The following UBE2QL1 variants were observed in gnomAD, a reference collection of about 807,000 sequenced individuals.
The protein encoded by UBE2QL1 is ubiquitin conjugating enzyme E2 QL1.
In UBE2QL1, 5 loss-of-function variants were observed where a neutral mutation model predicts 12.6. The observed-to-expected ratio is 0.40, with a 90% CI of 0.21 to 0.83. UBE2QL1 has a LOEUF of 0.83. Among genes scored for constraint, UBE2QL1 ranks in the 40% least tolerant of loss-of-function variants. UBE2QL1 has a pLI of 0.37. For missense variants in UBE2QL1, 99 were observed against 222.6 expected, an observed-to-expected ratio of 0.44 and a Z score of 3.53; for synonymous variants, 96 against 94.5, an observed-to-expected ratio of 1.02 and a Z score of -0.10.
chr5:6,449,997 C>G (rs1273165896), intron 1 of UBE2QL1, among the ~76,000 whole-genome samples: 1 of 151,876 alleles, frequency 6.6e-6, no homozygotes. Flanking sequence ...TGGGCTGCCT[C>G]TCCTGGAAAG....
intron 1 of UBE2QL1, among the ~76,000 whole-genome samples, chr5:6,482,906 G>A (rs959755187): frequency 2.0e-5 from 3 of 152,086 alleles, no homozygotes; most frequent in African/African-American, 7.2e-5. Context: ...TCATCTAGAG[G>A]ACACCTGCTC....
At chr5:6,472,511 C>T (rs1739935843) in intron 1 of UBE2QL1, among the ~76,000 whole-genome samples, 1 of 152,170 alleles carries the variant, frequency 6.6e-6, no homozygotes, top group South Asian at 2.1e-4. Flanking sequence ...CTGCTGCTTT[C>T]CTTGTGCTTT....
At chr5:6,455,168 A>G (rs1739493891) in intron 1 of UBE2QL1, among the ~76,000 whole-genome samples, 1 of 152,078 alleles carries the variant, frequency 6.6e-6, no homozygotes, top group African/African-American at 2.4e-5. Flanking sequence ...CTCTGTAAGG[A>G]CAGTGTAGGT....
rs1319882572 is a variant in UBE2QL1, at chr5:6,491,558, AAATG to A, written c.*215_*218del. ...GCCGTTCGGATTATGTTTCGATTAT[AAATG>A]AATGATCACCTCGAAGTCACTTTAG... On this transcript the variant is annotated 3_prime_UTR_variant, in exon 2 of 2. Coordinates refer to ENST00000399816, the MANE Select transcript of UBE2QL1 (RefSeq NM_001145161.3). 1.7e-5 allele frequency: 9 copies of A among 534,646 alleles called. No individual in the cohort carries two copies. The highest frequency in any genetic ancestry group is 2.3e-5 in the Non-Finnish European group (8 of 341,324). The allele number at this position is 534,646 out of a possible 1,614,324, so 33.1% of individuals were successfully genotyped here.
intron 1 of UBE2QL1, among the ~76,000 whole-genome samples, chr5:6,469,378 T>G (rs1403272065): frequency 6.6e-6 from 1 of 150,590 alleles, no homozygotes; most frequent in Non-Finnish European, 1.5e-5. Flanking sequence ...TATATGTATA[T>G]GAACATAATC....
intron 1 of UBE2QL1, among the ~76,000 whole-genome samples, chr5:6,465,729 C>G (rs1199929197): frequency 2.6e-5 from 4 of 152,188 alleles, no homozygotes; most frequent in African/African-American, 9.6e-5. Context: ...CGCTCACTTC[C>G]TGCGTGGGAA....
chr5:6,488,523 G>A (rs1351693901), intron 1 of UBE2QL1, among the ~76,000 whole-genome samples: 1 of 151,748 alleles, frequency 6.6e-6, no homozygotes, highest in Non-Finnish European at 1.5e-5. Context: ...TGCTGGCCGG[G>A]CACACTGGCT....
chr5:6,456,132 A>T (rs1276332034), intron 1 of UBE2QL1, among the ~76,000 whole-genome samples: 1 of 152,214 alleles, frequency 6.6e-6, no homozygotes, highest in Non-Finnish European at 1.5e-5. Context: ...TCAGATACAC[A>T]TCAAGTGCCT....
intron 1 of UBE2QL1, among the ~76,000 whole-genome samples, chr5:6,455,628 A>G (rs1739504879): frequency 6.6e-6 from 1 of 152,152 alleles, no homozygotes; most frequent in African/African-American, 2.4e-5. Flanking sequence ...TTTGTGGTCT[A>G]GGATCAGGCC....
chr5:6,453,625 G>A (rs1354155782), intron 1 of UBE2QL1, among the ~76,000 whole-genome samples: 2 of 152,140 alleles, frequency 1.3e-5, no homozygotes, highest in Non-Finnish European at 2.9e-5. Flanking sequence ...GAAATGATAT[G>A]CAGTGATGTC....
At chr5:6,454,769 C>T (rs1437773485) in intron 1 of UBE2QL1, among the ~76,000 whole-genome samples, 2 of 152,076 alleles carry the variant, frequency 1.3e-5, no homozygotes, top group African/African-American at 2.4e-5. Flanking sequence ...CTGATTCGTC[C>T]AGGGAGACGT....
At chr5:6,454,140 C>T (rs1243084950) in intron 1 of UBE2QL1, among the ~76,000 whole-genome samples, 1 of 152,150 alleles carries the variant, frequency 6.6e-6, no homozygotes, top group African/African-American at 2.4e-5. Flanking sequence ...CCTCGGCCTC[C>T]CAGAGTATTG....
rs559738792 is a variant in UBE2QL1, at chr5:6,459,940, A to G, written c.354+10693A>G. On this transcript the variant is annotated intron_variant, in intron 1 of 1. Coordinates refer to ENST00000399816, the MANE Select transcript of UBE2QL1 (RefSeq NM_001145161.3). The stretch of plus-strand genomic sequence containing the variant: ...CAAATATATATACCCGGAGGAGTGC[A>G]TGGGCCCCAGGTTAAGAACTCGAGG... Among the ~76,000 whole-genome samples, 355 of 152,216 alleles carry G rather than the reference A, an allele frequency of 2.3e-3. 2 individuals carry two copies. Among genetic ancestry groups the G allele is most frequent in the African/African-American group, 8.3e-3 (344 of 41,556 alleles).
At chr5:6,459,882 A>G (rs912180114) in intron 1 of UBE2QL1, among the ~76,000 whole-genome samples, 1 of 152,228 alleles carries the variant, frequency 6.6e-6, no homozygotes, top group African/African-American at 2.4e-5. Flanking sequence ...ATTGCAGTTC[A>G]AAGTTAGTGA....
At position 6,496,490 on chromosome 5, in the gene UBE2QL1, C is replaced by T. The variant is rs374955265; in HGVS notation, c.*5141C>T. Among the ~76,000 whole-genome samples the T allele has an allele frequency of 3.3e-5, 5 of 152,064 alleles. No homozygotes were observed. The highest frequency in any genetic ancestry group is 4.8e-5 in the African/African-American group (2 of 41,372). On this transcript the variant is annotated 3_prime_UTR_variant, in exon 2 of 2. Coordinates refer to ENST00000399816, the MANE Select transcript of UBE2QL1 (RefSeq NM_001145161.3). ...TGACTGCGAACTTTCAGACTCTCAC[C>T]GCAATTCATGGGGAGACTTTGGTGT...
intron 1 of UBE2QL1, among the ~76,000 whole-genome samples, chr5:6,487,368 G>A (rs1171919823): frequency 2.0e-5 from 3 of 152,188 alleles, no homozygotes; most frequent in African/African-American, 7.2e-5. Context: ...AACACTGTTC[G>A]ACTTCTGTAT....
At position 6,465,403 on chromosome 5, in the gene UBE2QL1, T is replaced by C. The variant is rs563680281; in HGVS notation, c.354+16156T>C. ...TTAGTTTTCTTAAACTTTGTCTTAA[T>C]GGATTGCAGAGCCAAGTGAAGTGGC... is the stretch of plus-strand genomic sequence containing the variant. On this transcript the variant is annotated intron_variant, in intron 1 of 1. Coordinates refer to ENST00000399816, the MANE Select transcript of UBE2QL1 (RefSeq NM_001145161.3). Among the ~76,000 whole-genome samples, 7 of 152,354 alleles carry C rather than the reference T, an allele frequency of 4.6e-5. No homozygotes were observed. The South Asian group carries it at 1.4e-3, about 32-fold the overall frequency.
intron 1 of UBE2QL1, among the ~76,000 whole-genome samples, chr5:6,459,266 T>A (rs1269797029): frequency 2.0e-5 from 3 of 152,224 alleles, no homozygotes; most frequent in Admixed American, 6.5e-5. Context: ...TAAAGGACAT[T>A]ACCGTAAGTC....
At chr5:6,459,584 T>C (rs1012562152) in intron 1 of UBE2QL1, among the ~76,000 whole-genome samples, 1 of 152,210 alleles carries the variant, frequency 6.6e-6, no homozygotes, top group Admixed American at 6.5e-5. Flanking sequence ...GCATAGGATT[T>C]CAAAGGAAGC....
Sources: gnomAD v4.1 joint callset for allele counts (sites outside exome capture counted in the v4.1 genomes callset) on GRCh38, gnomAD v4.1.1 for gene constraint, MANE v1.5 for transcripts, NCBI Gene and HGNC (gene_info 2026-07-23, HGNC 2026-07-21) for gene names.